CAPN5: variants seen among roughly 807,000 people sequenced by gnomAD.
The protein encoded by CAPN5 is calpain 5, also known as calpain-5.
A neutral mutation model predicts 73.0 loss-of-function variants in CAPN5; 54 were observed. That is an observed-to-expected ratio of 0.74 (90% CI 0.59 to 0.93). CAPN5 has a LOEUF of 0.93. Among genes scored for constraint, CAPN5 ranks in the 40% least tolerant of loss-of-function variants. The pLI is 0.00. For synonymous variants in CAPN5, 335 were observed against 356.9 expected (o/e 0.94, Z 0.69); for missense variants, 785 against 882.9 (o/e 0.89, Z 1.41).
At chr11:77,068,006 A>T (rs1949863822) in intron 1 of CAPN5, among the ~76,000 whole-genome samples, 1 of 152,074 alleles carries the variant, frequency 6.6e-6, no homozygotes. Context: ...TTAGAGAGAA[A>T]AGTACTGAGG....
At chr11:77,111,231 A>G (rs979462459) in intron 3 of CAPN5, among the ~76,000 whole-genome samples, 5 of 152,114 alleles carry the variant, frequency 3.3e-5, no homozygotes, top group Non-Finnish European at 5.9e-5. Flanking sequence ...TTTTGAGGGA[A>G]GGGACCATGT....
intron 3 of CAPN5, among the ~76,000 whole-genome samples, chr11:77,111,862 A>G (rs1318093569): frequency 6.6e-6 from 1 of 152,122 alleles, no homozygotes; most frequent in African/African-American, 2.4e-5. Flanking sequence ...TTCCTGGAGA[A>G]AGAGGATGGA....
intron 1 of CAPN5, among the ~76,000 whole-genome samples, chr11:77,067,347 C>T (rs969002286): frequency 5.3e-5 from 8 of 151,902 alleles, no homozygotes; most frequent in Non-Finnish European, 7.4e-5. Flanking sequence ...TTTTCACCTC[C>T]CTCTGGGTGT....
At chr11:77,095,178 C>T (rs1432319836) in intron 3 of CAPN5, among the ~76,000 whole-genome samples, 3 of 152,234 alleles carry the variant, frequency 2.0e-5, no homozygotes, top group Admixed American at 1.3e-4. Flanking sequence ...TTTCGAGAGC[C>T]ACCCGTTGGC....
In CAPN5 at chr11:77,085,151, G is replaced by A. The variant is rs1031966248; in HGVS notation, c.165+100G>A. 2.4e-5 allele frequency: 24 copies of A among 1,019,088 alleles called. No homozygotes were observed. The African/African-American group carries it at 3.3e-4, about 14-fold the overall frequency. The allele number at this position is 1,019,088 out of a possible 1,614,324, so 63.1% of individuals were successfully genotyped here. Reference sequence around the variant, plus strand: ...CGGGGTGGTGGGAGGAGGCATCCCTGGCCCCAGGCTGCTGAGAAAGTGAGG... The same window carrying A: ...CGGGGTGGTGGGAGGAGGCATCCCTAGCCCCAGGCTGCTGAGAAAGTGAGG... On this transcript the variant is annotated intron_variant, in intron 2 of 12. Transcript: ENST00000648180.
chr11:77,071,991 C>T (rs972671964), intron 1 of CAPN5, among the ~76,000 whole-genome samples: 3 of 152,218 alleles, frequency 2.0e-5, no homozygotes, highest in Admixed American at 2.0e-4. Context: ...CCATACTGGG[C>T]CCCGCTTCTC....
chr11:77,108,722 G>A (rs1364512379), intron 3 of CAPN5, among the ~76,000 whole-genome samples: 2 of 142,846 alleles, frequency 1.4e-5, no homozygotes, highest in Non-Finnish European at 1.5e-5. Flanking sequence ...ATGCATCTCT[G>A]AAAGATAAGG....
Position 77,084,857 on chromosome 11 carries a change from C to A in CAPN5, c.-30C>A. ...CTTCTTGCCTTCCTGTCCAGGTGTTCCCCCTCCCCTCCCTGGGGCAGCAGC... is the reference window on the plus strand; with the variant it reads ...CTTCTTGCCTTCCTGTCCAGGTGTTACCCCTCCCCTCCCTGGGGCAGCAGC... On this transcript the variant is annotated 5_prime_UTR_variant, in exon 2 of 13. Coordinates refer to ENST00000648180, the MANE Select transcript of CAPN5 (RefSeq NM_004055.5). The A allele has an allele frequency of 3.1e-6, 5 of 1,613,522 alleles. No homozygotes were observed. Among genetic ancestry groups the A allele is most frequent in the South Asian group, 1.1e-5 (1 of 91,040 alleles).
rs562794207 is a variant in CAPN5 at position 77,096,951 on chromosome 11, G to A, written c.297+3138G>A. On this transcript the variant is annotated intron_variant, in intron 3 of 12. Coordinates refer to ENST00000648180, the MANE Select transcript of CAPN5 (RefSeq NM_004055.5). ...AAAAATGCCTCCCACAGCCAGGCGC[G>A]GTGGCTCACGCCTGTAATCTGAGCA... 1.7e-4 allele frequency among the ~76,000 whole-genome samples: 26 copies of A among 152,264 alleles called. No individual in the cohort carries two copies. The East Asian group carries it at 2.7e-3, about 16-fold the overall frequency.
chr11:77,070,622 A>G (rs774545790), intron 1 of CAPN5, among the ~76,000 whole-genome samples: 37 of 152,232 alleles, frequency 2.4e-4, no homozygotes, highest in Admixed American at 5.9e-4. Flanking sequence ...CAGGAACAGC[A>G]TCGTTCAAGA....
chr11:77,071,240 C>A (rs1406344297), intron 1 of CAPN5, among the ~76,000 whole-genome samples: 4 of 152,240 alleles, frequency 2.6e-5, no homozygotes, highest in Non-Finnish European at 5.9e-5. Flanking sequence ...GCCTTGGAGG[C>A]TGGGCGCTGC....
rs563771743 is a variant in CAPN5 at position 77,082,969 on chromosome 11, G to A, written c.-35-1883G>A. ...CCTGAACTGACCCTGCCGGAAACCC[G>A]TGGTGCTAATGCTGCTCCTCGGTGA... On this transcript the variant is annotated intron_variant, in intron 1 of 12. Coordinates refer to ENST00000648180, the MANE Select transcript of CAPN5 (RefSeq NM_004055.5). 4.6e-5 allele frequency among the ~76,000 whole-genome samples: 7 copies of A among 152,312 alleles called. No homozygotes were observed. In the East Asian group the frequency reaches 5.8e-4, roughly 13 times the overall value.
chr11:77,067,322 C>T (rs1555032212), intron 1 of CAPN5, among the ~76,000 whole-genome samples: 1 of 127,510 alleles, frequency 7.8e-6, no homozygotes, highest in Non-Finnish European at 1.8e-5. Context: ...CCCCCACCCC[C>T]GGCGAGGAGT....
At chr11:77,112,928 G>A (rs1490291494) in intron 4 of CAPN5, 131 bp downstream of exon 4, 1 of 850,698 alleles carries the variant, frequency 1.2e-6, no homozygotes, top group African/African-American at 1.7e-5. Flanking sequence ...CACGCAGCAG[G>A]CTCAACCGCC....
chr11:77,109,144 GC>G (rs1270673776), intron 3 of CAPN5, among the ~76,000 whole-genome samples: 1 of 152,166 alleles, frequency 6.6e-6, no homozygotes, highest in Admixed American at 6.5e-5. Context: ...TCATTCGGGG[GC>G]ACATCATGGC....
chr11:77,086,510 C>G lies in CAPN5; in HGVS notation c.165+1459C>G, dbSNP rs949944581. Reference sequence around the variant, plus strand: ...TCAGTCCCAAGAGCTGTAACAGAATCTCTGGCCCTGTACTGACTCTCTGGA... The same window carrying G: ...TCAGTCCCAAGAGCTGTAACAGAATGTCTGGCCCTGTACTGACTCTCTGGA... On this transcript the variant is annotated intron_variant, in intron 2 of 12. Transcript: ENST00000648180. Among the ~76,000 whole-genome samples the G allele has an allele frequency of 3.3e-5, 5 of 152,350 alleles. No individual in the cohort carries two copies. The East Asian group carries it at 9.6e-4, about 29-fold the overall frequency.
chr11:77,094,119 T>C (rs1044476907), intron 3 of CAPN5, among the ~76,000 whole-genome samples: 46 of 152,360 alleles, frequency 3.0e-4, no homozygotes, highest in African/African-American at 1.1e-3. Flanking sequence ...GGAAGCTGTG[T>C]GCATCACATT....
In CAPN5 at chr11:77,085,805, T is replaced by C. The variant is rs193105117; in HGVS notation, c.165+754T>C. 2.8e-4 allele frequency among the ~76,000 whole-genome samples: 42 copies of C among 152,040 alleles called. No homozygotes were observed. The East Asian group carries it at 6.4e-3, about 23-fold the overall frequency. On this transcript the variant is annotated intron_variant, in intron 2 of 12. Coordinates refer to ENST00000648180, the MANE Select transcript of CAPN5 (RefSeq NM_004055.5). ...TGTCTGTGGGTCCTGCAGAATGGGG[T>C]CCCTGGTGGCCTGGGTGGAGGGGAG...
intron 3 of CAPN5, among the ~76,000 whole-genome samples, chr11:77,106,244 C>T (rs1950346854): frequency 6.6e-6 from 1 of 151,902 alleles, no homozygotes; most frequent in Non-Finnish European, 1.5e-5. Flanking sequence ...TGCGCAGAAC[C>T]CTTCCCCAGC....
Sources: gnomAD v4.1 joint callset for allele counts (sites outside exome capture counted in the v4.1 genomes callset) on GRCh38, gnomAD v4.1.1 for gene constraint, MANE v1.5 for transcripts, NCBI Gene and HGNC (gene_info 2026-07-23, HGNC 2026-07-21) for gene names.